IGSF23: variants seen among roughly 807,000 people sequenced by gnomAD.
The protein encoded by IGSF23 is immunoglobulin superfamily member 23, also known as immunoglobulin superfamily, member 23.
A neutral mutation model predicts 17.8 loss-of-function variants in IGSF23; 14 were observed. That is an observed-to-expected ratio of 0.79 (90% confidence interval 0.52 to 1.23). The LOEUF is 1.23. Ranked by LOEUF, IGSF23 falls within the 50% of genes most tolerant of loss-of-function variation. The probability of loss-of-function intolerance (pLI) is 0.00; values close to 1 mark genes in which losing one functional copy is unlikely to be tolerated. For synonymous variants in IGSF23, 85 were observed against 92.5 expected (o/e 0.92, Z 0.46); for missense variants, 214 against 241.7 (o/e 0.89, Z 0.76).
intron 2 of IGSF23, among the ~76,000 whole-genome samples, chr19:44,624,301 T>G (rs1972591973): frequency 6.6e-6 from 1 of 151,066 alleles, no homozygotes; most frequent in Non-Finnish European, 1.5e-5. Context: ...TTTTTTTTTT[T>G]TTTGATAGAG....
At chr19:44,622,064 A>G (rs1599734183) in intron 1 of IGSF23, among the ~76,000 whole-genome samples, 1 of 152,272 alleles carries the variant, frequency 6.6e-6, no homozygotes, top group Middle Eastern at 3.4e-3. Flanking sequence ...TCCACTAAAA[A>G]TACTAAAATT....
At chr19:44,624,252 T>C (rs1972589556) in intron 2 of IGSF23, among the ~76,000 whole-genome samples, 1 of 151,514 alleles carries the variant, frequency 6.6e-6, no homozygotes. Context: ...TTCTTCTTCC[T>C]TCTTCTTCTC....
intron 3 of IGSF23, among the ~76,000 whole-genome samples, chr19:44,629,694 T>C (rs1661161): frequency 7.1e-6 from 1 of 141,254 alleles, no homozygotes; most frequent in Non-Finnish European, 1.5e-5. Context: ...AGTGCAGTGG[T>C]GCAATCTCGG....
intron 3 of IGSF23, among the ~76,000 whole-genome samples, chr19:44,631,417 A>G (rs1972763728): frequency 6.6e-6 from 1 of 152,224 alleles, no homozygotes; most frequent in South Asian, 2.1e-4. Flanking sequence ...GTAAAACCCC[A>G]TCTCTACTAA....
chr19:44,624,448 C>T (rs140550208), intron 2 of IGSF23, among the ~76,000 whole-genome samples: 96 of 151,922 alleles, frequency 6.3e-4, no homozygotes, highest in African/African-American at 2.2e-3. Context: ...CCACATCTGG[C>T]CTATTTTTGT....
intron 1 of IGSF23, among the ~76,000 whole-genome samples, chr19:44,615,041 G>C (rs1972338302): frequency 6.6e-6 from 1 of 152,124 alleles, no homozygotes; most frequent in Admixed American, 6.5e-5. Context: ...TGTAATCCCA[G>C]CACTTTGGGA....
intron 2 of IGSF23, among the ~76,000 whole-genome samples, chr19:44,625,099 T>C (rs1972615794): frequency 6.6e-6 from 1 of 150,822 alleles, no homozygotes; most frequent in Non-Finnish European, 1.5e-5. Flanking sequence ...ATCTAAGGAG[T>C]GGTTCAAAGC....
chr19:44,613,800 G>C (rs1357355980), intron 1 of IGSF23, 30 bp downstream of exon 1: 4 of 1,549,576 alleles, frequency 2.6e-6, no homozygotes, highest in Non-Finnish European at 3.5e-6. Flanking sequence ...GGCCAGGGTA[G>C]GGCATGGTCA....
intron 1 of IGSF23, among the ~76,000 whole-genome samples, chr19:44,616,695 CAA>C (rs71171272): frequency 3.6e-4 from 30 of 84,286 alleles, no homozygotes; most frequent in Non-Finnish European, 3.9e-4. Flanking sequence ...GACTCCATCT[CAA>C]AAAAAAAAAA....
At chr19:44,625,811 C>T (rs1972632806) in intron 2 of IGSF23, among the ~76,000 whole-genome samples, 1 of 152,152 alleles carries the variant, frequency 6.6e-6, no homozygotes, top group Non-Finnish European at 1.5e-5. Flanking sequence ...GTAACTGAAT[C>T]ATGGGGTCAA....
intron 3 of IGSF23, among the ~76,000 whole-genome samples, chr19:44,635,007 CG>C (rs577881455): frequency 2.0e-5 from 3 of 151,802 alleles, no homozygotes; most frequent in African/African-American, 2.4e-5. Context: ...TGCTACAGAC[CG>C]GGGGGGCTTA....
Position 44,623,842 on chromosome 19 carries a change from G to C in IGSF23, c.261G>C (p.Gly87=), listed in dbSNP as rs374947259. 57 of 1,550,872 alleles carry C rather than the reference G, an allele frequency of 3.7e-5. No individual in the cohort carries two copies. The African/African-American group carries it at 7.0e-4, about 19-fold the overall frequency. ...PEPVLSWTFS[G]VPCGMGEKLF... ...CTGTGCTGAGCTGGACCTTCAGTGGGGTGCCCTGTGGGATGGGAGAGAAGC... is the reference window on the plus strand; with the variant it reads ...CTGTGCTGAGCTGGACCTTCAGTGGCGTGCCCTGTGGGATGGGAGAGAAGC... The change falls in exon 2 of 5, where the codon GGG becomes GGC. Residue 87 remains glycine, a synonymous_variant. Coordinates refer to ENST00000402988, the MANE Select transcript of IGSF23 (RefSeq NM_001205280.2).
intron 3 of IGSF23, 23 bp from the exon 4 acceptor site, chr19:44,635,376 GTC>G (rs375878000): frequency 0.044 from 33,787 of 766,506 alleles, no homozygotes; most frequent in South Asian, 0.089. Context: ...CTCTCTCTCT[GTC>G]TCTCTCTCTC....
intron 3 of IGSF23, 63 bp downstream of exon 3, chr19:44,627,636 G>T: frequency 6.8e-7 from 1 of 1,480,258 alleles, no homozygotes; most frequent in Non-Finnish European, 9.1e-7. Context: ...GGGGCACAGA[G>T]CTGGCTCAAC....
intron 1 of IGSF23, among the ~76,000 whole-genome samples, chr19:44,616,887 GGAGAGAGAGAAAAA>G (rs1282483141): frequency 6.7e-6 from 1 of 150,372 alleles, no homozygotes; most frequent in East Asian, 1.9e-4. Context: ...AGAGAGAGAG[GGAGAGAGAGAAAAA>G]GAGAGAGAGA....
At chr19:44,625,917 C>A (rs554440161) in intron 2 of IGSF23, among the ~76,000 whole-genome samples, 1 of 152,292 alleles carries the variant, frequency 6.6e-6, no homozygotes, top group South Asian at 2.1e-4. Flanking sequence ...TCTTGCCTGC[C>A]GCCATGTAAG....
At position 44,631,932 on chromosome 19, in the gene IGSF23, G is replaced by A. The variant is rs971555632; in HGVS notation, c.546-3469G>A. On this transcript the variant is annotated intron_variant, in intron 3 of 4. Coordinates refer to ENST00000402988, the MANE Select transcript of IGSF23 (RefSeq NM_001205280.2). The stretch of plus-strand genomic sequence containing the variant: ...ATCATGAACATGTCACAGTGCCACA[G>A]AGATATTGTTCATGGTCAGTTTCGG... Among the ~76,000 whole-genome samples, 29 of 152,358 alleles carry A rather than the reference G, an allele frequency of 1.9e-4. 1 individual carries two copies. The South Asian group carries it at 3.1e-3, about 16-fold the overall frequency.
chr19:44,624,008 A>G (rs1004277872), intron 2 of IGSF23, 36 bp downstream of exon 2: 2 of 1,002,236 alleles, frequency 2.0e-6, no homozygotes, highest in East Asian at 5.7e-5. Flanking sequence ...CACCCCACCC[A>G]AGAGCCCTGC....
At chr19:44,619,037 A>C (rs997702808) in intron 1 of IGSF23, among the ~76,000 whole-genome samples, 3 of 152,082 alleles carry the variant, frequency 2.0e-5, no homozygotes, top group Non-Finnish European at 4.4e-5. Context: ...CACAGGTGGA[A>C]GTGTAATGCC....
Sources: allele counts gnomAD v4.1 joint callset (sites outside exome capture counted in the v4.1 genomes callset), GRCh38; gene constraint gnomAD v4.1.1; transcripts MANE v1.5; gene names NCBI Gene and HGNC (gene_info 2026-07-23, HGNC 2026-07-21).